MAGI1: variants seen among roughly 807,000 people sequenced by gnomAD.
MAGI1 encodes the protein membrane-associated guanylate kinase, WW and PDZ domain-containing protein 1.
MAGI1 carries 58 observed loss-of-function variants against 139.9 expected under a neutral mutation model. That is an observed-to-expected ratio of 0.41 (90% CI 0.34 to 0.52). The LOEUF (loss-of-function observed/expected upper bound fraction) is 0.52, where lower values mean the gene tolerates loss of function less well. Among genes scored for constraint, MAGI1 ranks in the 20% least tolerant of loss-of-function variants. The pLI is 0.12. For synonymous variants in MAGI1, 812 were observed against 737.9 expected, an observed-to-expected ratio of 1.10 and a Z score of -1.63; for missense variants, 1,874 against 1,901.6, an observed-to-expected ratio of 0.99 and a Z score of 0.27.
At position 65,928,008 on chromosome 3, in the gene MAGI1, A is replaced by G. The variant is rs146799969; in HGVS notation, c.313+109988T>C. Among the ~76,000 whole-genome samples, 394 of 152,314 alleles carry G rather than the reference A, an allele frequency of 2.6e-3. 1 individual carries two copies. The highest frequency in any genetic ancestry group is 8.7e-3 in the African/African-American group (362 of 41,568). Reference sequence around the variant, plus strand: ...AAATTGCAACCCAAGTCCCTTCAGTATACATAATCCCCCTCACTCTGTTCT... The same window carrying G: ...AAATTGCAACCCAAGTCCCTTCAGTGTACATAATCCCCCTCACTCTGTTCT... On this transcript the variant is annotated intron_variant, in intron 1 of 22. Transcript: ENST00000402939.
chr3:65,992,308 A>G (rs2066225409), intron 1 of MAGI1, among the ~76,000 whole-genome samples: 1 of 152,220 alleles, frequency 6.6e-6, no homozygotes, highest in Non-Finnish European at 1.5e-5. Context: ...TGACTCACCT[A>G]TATCTTGACA....
chr3:65,595,357 T>A (rs2082141278), intron 2 of MAGI1, among the ~76,000 whole-genome samples: 1 of 152,178 alleles, frequency 6.6e-6, no homozygotes, highest in Admixed American at 6.5e-5. Context: ...AACGTATAGG[T>A]TCAAAGAGCT....
intron 1 of MAGI1, among the ~76,000 whole-genome samples, chr3:66,006,156 C>A: frequency 6.6e-6 from 1 of 152,188 alleles, no homozygotes. Context: ...CCCTTATTGT[C>A]TATTGCTCAT....
Position 65,391,187 on chromosome 3 carries a change from G to A in MAGI1, c.2371C>T (p.Pro791Ser). The part of the protein sequence containing the change: ...TDSSGQKKPD[P>S]FKIWAQSRSM... ...CTGGACTGGGCCCAGATTTTAAAAG[G>A]ATCTGGTTTTTTCTGGCCAGAGCTG... The change falls in exon 14 of 23, where the codon CCT becomes TCT. Residue 791 changes from proline to serine, a missense_variant. By Grantham distance (74) the Pro-to-Ser change is moderately conservative. Coordinates refer to ENST00000402939, the MANE Select transcript of MAGI1 (RefSeq NM_001033057.2). 2.5e-6 allele frequency: 4 copies of A among 1,614,222 alleles called. No homozygotes were observed. Among genetic ancestry groups the A allele is most frequent in the Non-Finnish European group, 2.5e-6 (3 of 1,180,050 alleles).
chr3:65,491,210 C>A (rs1459784666), intron 3 of MAGI1, among the ~76,000 whole-genome samples: 5 of 151,892 alleles, frequency 3.3e-5, no homozygotes, highest in African/African-American at 1.2e-4. Context: ...TTGGTTCCTT[C>A]TCTAGCATTC....
At chr3:65,505,578 T>A (rs1033733889) in intron 2 of MAGI1, among the ~76,000 whole-genome samples, 4 of 151,266 alleles carry the variant, frequency 2.6e-5, no homozygotes, top group Non-Finnish European at 4.4e-5. Context: ...CCAGCAGAGG[T>A]TGAGACAGCA....
intron 7 of MAGI1, among the ~76,000 whole-genome samples, chr3:65,446,879 C>T (rs1948715136): frequency 6.6e-6 from 1 of 152,106 alleles, no homozygotes; most frequent in African/African-American, 2.4e-5. Context: ...TTGGCATGTG[C>T]ATCAATTACA....
intron 1 of MAGI1, among the ~76,000 whole-genome samples, chr3:65,654,656 C>G (rs2085767636): frequency 1.3e-5 from 2 of 151,718 alleles, no homozygotes. Flanking sequence ...ATATCCTTTT[C>G]ATTATGGGTA....
At chr3:65,535,992 T>C (rs1463218745) in intron 2 of MAGI1, among the ~76,000 whole-genome samples, 2 of 152,188 alleles carry the variant, frequency 1.3e-5, no homozygotes, top group Non-Finnish European at 2.9e-5. Context: ...GAGGGGCACA[T>C]GGGAACTGAA....
chr3:65,989,754 T>G (rs1379214461), intron 1 of MAGI1, among the ~76,000 whole-genome samples: 1 of 152,122 alleles, frequency 6.6e-6, no homozygotes, highest in East Asian at 1.9e-4. Flanking sequence ...GCCAGGCTGG[T>G]CTCGAACTCC....
chr3:65,631,785 A>T (rs1361124055), intron 1 of MAGI1, among the ~76,000 whole-genome samples: 6 of 152,150 alleles, frequency 3.9e-5, no homozygotes, highest in Admixed American at 6.5e-5. Context: ...AGGCTGAGGC[A>T]GGTGGATCAC....
At chr3:65,418,468 G>T (rs542916343) in intron 12 of MAGI1, among the ~76,000 whole-genome samples, 57 of 152,128 alleles carry the variant, frequency 3.7e-4, no homozygotes, top group Non-Finnish European at 7.5e-4. Flanking sequence ...GAGGGAAAAA[G>T]AATGATCAAA....
chr3:65,734,605 C>G (rs2034552972), intron 1 of MAGI1, among the ~76,000 whole-genome samples: 1 of 150,224 alleles, frequency 6.7e-6, no homozygotes, highest in South Asian at 2.1e-4. Context: ...GAGAAACTGT[C>G]TTGTCTACAT....
In MAGI1 at chr3:65,860,290, C is replaced by T. The variant is rs958575401; in HGVS notation, c.313+177706G>A. 1.9e-4 allele frequency among the ~76,000 whole-genome samples: 29 copies of T among 152,152 alleles called. 2 individuals carry two copies. The highest frequency in any genetic ancestry group is 1.6e-3 in the Admixed American group (25 of 15,276). ...CCCAGAGGGAGCCCTTATTCTATTT[C>T]GAAGGAGGCTGCTCAGATTTATGAA... On this transcript the variant is annotated intron_variant, in intron 1 of 22. Transcript: ENST00000402939.
At chr3:65,419,264 CA>C (rs1309120823) in intron 12 of MAGI1, among the ~76,000 whole-genome samples, 13 of 67,526 alleles carry the variant, frequency 1.9e-4, no homozygotes, top group African/African-American at 9.2e-4. Flanking sequence ...GAATGTGTTA[CA>C]AATTGTATTT....
intron 1 of MAGI1, among the ~76,000 whole-genome samples, chr3:65,973,189 T>C (rs1295335822): frequency 1.3e-5 from 2 of 151,944 alleles, no homozygotes; most frequent in African/African-American, 4.8e-5. Context: ...ATAAAATAAA[T>C]AAAAGGCAAT....
At chr3:65,783,565 C>T (rs954807047) in intron 1 of MAGI1, among the ~76,000 whole-genome samples, 47 of 152,220 alleles carry the variant, frequency 3.1e-4, no homozygotes, top group African/African-American at 1.1e-3. Flanking sequence ...ACGATCAGAG[C>T]TCACTGCAGC....
chr3:65,851,990 G>A (rs1046837699), intron 1 of MAGI1, among the ~76,000 whole-genome samples: 6 of 152,182 alleles, frequency 3.9e-5, no homozygotes, highest in African/African-American at 1.4e-4. Flanking sequence ...AAGGCCAAAA[G>A]TTGAATCATA....
At chr3:65,616,366 T>C (rs1289777353) in intron 2 of MAGI1, among the ~76,000 whole-genome samples, 1 of 152,118 alleles carries the variant, frequency 6.6e-6, no homozygotes, top group Non-Finnish European at 1.5e-5. Flanking sequence ...AAATGTTGTT[T>C]ACATTATACG....
Sources: gnomAD v4.1 joint callset for allele counts (sites outside exome capture counted in the v4.1 genomes callset) on GRCh38, gnomAD v4.1.1 for gene constraint, MANE v1.5 for transcripts, NCBI Gene and HGNC (gene_info 2026-07-23, HGNC 2026-07-21) for gene names.